Variants in TBL1Y observed in about 807,000 individuals in gnomAD.
TBL1Y encodes F-box-like/WD repeat-containing protein TBL1Y.
TBL1Y carries 15 observed loss-of-function variants against 12.0 expected under a neutral mutation model. The observed-to-expected ratio is 1.25, with a 90% CI of 0.83 to 1.92. The LOEUF is 1.92. TBL1Y is among the 40% of genes most tolerant of loss of function. TBL1Y has a pLI of 0.00. For synonymous variants in TBL1Y, 53 were observed against 42.6 expected, an observed-to-expected ratio of 1.24 and a Z score of -0.95; for missense variants, 148 against 116.7, an observed-to-expected ratio of 1.27 and a Z score of -1.24.
At chrY:7,037,924 G>A (rs2012702322) in intron 6 of TBL1Y, among the ~76,000 whole-genome samples, 6 of 34,211 alleles carry the variant, frequency 1.8e-4, no homozygotes, top group African/African-American at 6.9e-4. Flanking sequence ...CTGAGAATTA[G>A]GTGTCTGCTT....
intron 2 of TBL1Y, among the ~76,000 whole-genome samples, chrY:6,932,368 A>C (rs757930146): frequency 2.9e-5 from 1 of 34,588 alleles, no homozygotes; most frequent in East Asian, 7.5e-4. Context: ...GTTAATTGAG[A>C]TATAAGTGAC....
chrY:6,951,862 C>G, intron 2 of TBL1Y, among the ~76,000 whole-genome samples: 5 of 33,441 alleles, frequency 1.5e-4, no homozygotes, highest in Admixed American at 1.1e-3. Flanking sequence ...CCCAGAGATT[C>G]TGGTATGTTG....
At chrY:6,958,360 G>C in intron 2 of TBL1Y, among the ~76,000 whole-genome samples, 1 of 33,230 alleles carries the variant, frequency 3.0e-5, no homozygotes, top group Admixed American at 2.8e-4. Context: ...ACATGTTAAG[G>C]AAGTTTGAAG....
chrY:7,084,977 C>T (rs2013118260), intron 14 of TBL1Y, among the ~76,000 whole-genome samples: 1 of 31,514 alleles, frequency 3.2e-5, no homozygotes, highest in Non-Finnish European at 7.6e-5. Flanking sequence ...CTCCACTCAC[C>T]GGCAGGAGAG....
At position 7,036,444 on chromosome Y, in the gene TBL1Y, C is replaced by T. The variant is rs748349089; in HGVS notation, c.59-6536C>T. On this transcript the variant is annotated intron_variant, in intron 6 of 18. Transcript: ENST00000383032. ...GAGAGAAGAGAGCCATCACATCTAT[C>T]GAGAGCATGAGGAAGGCTGCTGTGA... Among the ~76,000 whole-genome samples, 6 of 33,276 alleles carry T rather than the reference C, an allele frequency of 1.8e-4. No homozygotes were observed. In the East Asian group the frequency reaches 4.0e-3, roughly 22 times the overall value. 89.3% of individuals were successfully genotyped at this position (33,276 alleles called of 37,273 possible).
intron 2 of TBL1Y, among the ~76,000 whole-genome samples, chrY:6,952,258 C>T: frequency 1.5e-4 from 5 of 32,709 alleles, no homozygotes; most frequent in African/African-American, 6.1e-4. Context: ...ATAGATCTGT[C>T]TAATGTTGAC....
chrY:7,065,661 C>T (rs926822388), intron 8 of TBL1Y, among the ~76,000 whole-genome samples: 3 of 33,572 alleles, frequency 8.9e-5, no homozygotes, highest in Admixed American at 2.7e-4. Context: ...AACAGAAACT[C>T]TAATGTGGAG....
chrY:6,931,183 G>A (rs2011864250), intron 2 of TBL1Y, among the ~76,000 whole-genome samples: 1 of 33,467 alleles, frequency 3.0e-5, no homozygotes, highest in Non-Finnish European at 7.4e-5. Context: ...GCCTGAGGTC[G>A]GGACTTCGAG....
intron 2 of TBL1Y, among the ~76,000 whole-genome samples, chrY:6,934,693 T>C (rs2011891098): frequency 3.0e-5 from 1 of 33,806 alleles, no homozygotes; most frequent in Non-Finnish European, 7.3e-5. Flanking sequence ...GACATTAAGG[T>C]AGAGTTTAGC....
At chrY:7,061,992 G>C (rs781738745) in intron 7 of TBL1Y, among the ~76,000 whole-genome samples, 2 of 31,530 alleles carry the variant, frequency 6.3e-5, no homozygotes, top group Admixed American at 3.0e-4. Flanking sequence ...ATTTTAGAGA[G>C]GGGTATTTAG....
chrY:6,966,512 T>A, intron 2 of TBL1Y, among the ~76,000 whole-genome samples: 1 of 33,475 alleles, frequency 3.0e-5, no homozygotes, highest in Admixed American at 2.8e-4. Flanking sequence ...TATTCTTGTG[T>A]ATGGGAATAT....
intron 6 of TBL1Y, among the ~76,000 whole-genome samples, chrY:7,042,644 C>G (rs779972040): frequency 3.1e-5 from 1 of 32,656 alleles, no homozygotes; most frequent in South Asian, 7.1e-4. Context: ...CCACCTGCCT[C>G]GATGTGCTAA....
intron 6 of TBL1Y, among the ~76,000 whole-genome samples, chrY:7,036,267 G>A (rs866060920): frequency 6.0e-5 from 2 of 33,582 alleles, no homozygotes; most frequent in South Asian, 6.9e-4. Flanking sequence ...TAGTGAGGAG[G>A]GTCACTGTGT....
At chrY:6,923,970 C>A (rs2011802999) in intron 2 of TBL1Y, among the ~76,000 whole-genome samples, 1 of 32,075 alleles carries the variant, frequency 3.1e-5, no homozygotes, top group African/African-American at 1.2e-4. Flanking sequence ...TGCCACTATG[C>A]CCTGCTTTAA....
chrY:6,998,264 A>G (rs1027822193), intron 4 of TBL1Y, among the ~76,000 whole-genome samples: 9 of 33,852 alleles, frequency 2.7e-4, no homozygotes, highest in Admixed American at 2.4e-3. Flanking sequence ...TTGAGTCCGT[A>G]GTCATCCATC....
chrY:7,049,531 G>A (rs2012783352), intron 7 of TBL1Y, among the ~76,000 whole-genome samples: 1 of 33,422 alleles, frequency 3.0e-5, no homozygotes, highest in African/African-American at 1.2e-4. Flanking sequence ...TCCAGCACCT[G>A]TTGTTTCCTG....
intron 18 of TBL1Y, among the ~76,000 whole-genome samples, chrY:7,090,482 A>C: frequency 2.9e-5 from 1 of 34,129 alleles, no homozygotes; most frequent in Non-Finnish European, 7.3e-5. Context: ...GACATTAGAC[A>C]ATATGTGGAG....
At chrY:7,020,205 A>G (rs765511649) in intron 4 of TBL1Y, among the ~76,000 whole-genome samples, 1 of 33,486 alleles carries the variant, frequency 3.0e-5, no homozygotes, top group South Asian at 6.6e-4. Context: ...CCTTTTTATT[A>G]TCACTTAAGA....
intron 2 of TBL1Y, among the ~76,000 whole-genome samples, chrY:6,918,312 C>T: frequency 9.7e-5 from 3 of 31,009 alleles, no homozygotes; most frequent in East Asian, 1.7e-3. Context: ...CTCATTGAGA[C>T]AGAAGGTGGG....
Sources: gnomAD v4.1 joint callset for allele counts (sites outside exome capture counted in the v4.1 genomes callset) on GRCh38, gnomAD v4.1.1 for gene constraint, MANE v1.5 for transcripts, NCBI Gene and HGNC (gene_info 2026-07-23, HGNC 2026-07-21) for gene names.